Variants in RUVBL1 observed in about 807,000 individuals in gnomAD.
The protein encoded by RUVBL1 is ruvB-like 1.
RUVBL1 carries 4 observed loss-of-function variants against 52.4 expected under a neutral mutation model. The observed-to-expected ratio is 0.08, with a 90% CI of 0.04 to 0.17. RUVBL1 has a LOEUF of 0.17. Ranked by LOEUF, RUVBL1 falls within the 10% of genes least tolerant of loss-of-function variation. The pLI is 1.00. For missense variants in RUVBL1, 298 were observed against 572.8 expected (o/e 0.52, Z 4.90); for synonymous variants, 217 against 214.4 (o/e 1.01, Z -0.10).
At chr3:128,152,921 G>GCCCTCCCCCTCCC (rs1944258727) in intron 1 of RUVBL1, among the ~76,000 whole-genome samples, 1 of 954 alleles carries the variant, frequency 1.0e-3, no homozygotes, top group African/African-American at 4.4e-3. Context: ...CCCGCCCCCC[G>GCCCTCCCCCTCCC]CCGTCCCCCC....
chr3:128,141,978 T>G (rs1944029871), intron 1 of RUVBL1: 1 of 152,238 alleles, frequency 6.6e-6, no homozygotes, highest in South Asian at 2.1e-4. Flanking sequence ...AAGAGAGCAC[T>G]TGCCATATTT....
Position 128,082,293 on chromosome 3 carries a change from C to A in RUVBL1, c.1211+190G>T, listed in dbSNP as rs1021067951. 5.4e-6 allele frequency: 3 copies of A among 560,600 alleles called. No homozygotes were observed. Among genetic ancestry groups the A allele is most frequent in the African/African-American group, 3.8e-5 (2 of 52,764 alleles). 34.7% of individuals were successfully genotyped at this position (560,600 alleles called of 1,614,324 possible). On this transcript the variant is annotated intron_variant, in intron 10 of 10. Coordinates refer to ENST00000322623, the MANE Select transcript of RUVBL1 (RefSeq NM_003707.3). This position sits in a 1 kb window ranked among gnomAD's most constrained non-coding sequence, Gnocchi z 4.7. ...CATGGGGACTTCACCCTTACTCTAG[C>A]TTGTTAAAAACCATCAGATAGATCC...
chr3:128,097,004 T>C (rs967891690), intron 8 of RUVBL1, among the ~76,000 whole-genome samples: 9 of 152,158 alleles, frequency 5.9e-5, no homozygotes, highest in Non-Finnish European at 4.4e-5. Flanking sequence ...TATAATGTCA[T>C]CAAAGGCTAG....
chr3:128,112,295 A>C (rs1485539054), intron 3 of RUVBL1, among the ~76,000 whole-genome samples: 2 of 152,254 alleles, frequency 1.3e-5, no homozygotes, highest in Non-Finnish European at 2.9e-5. Flanking sequence ...CTAGCAAGTT[A>C]TTTAACCTTC....
At chr3:128,069,006 C>G (rs1031427058) in intron 9 of RUVBL1, 1 of 152,620 alleles carries the variant, frequency 6.6e-6, no homozygotes, top group African/African-American at 2.4e-5. Context: ...AGTTCATTCT[C>G]TTAATATTAA....
chr3:128,117,228 C>T (rs563931935), intron 2 of RUVBL1, among the ~76,000 whole-genome samples: 19 of 152,242 alleles, frequency 1.2e-4, no homozygotes, highest in African/African-American at 4.6e-4. Flanking sequence ...AAAGAAATTA[C>T]CCATAATTTA....
intron 3 of RUVBL1, among the ~76,000 whole-genome samples, chr3:128,111,300 C>T (rs1943388607): frequency 6.6e-6 from 1 of 151,798 alleles, no homozygotes; most frequent in African/African-American, 2.4e-5. Flanking sequence ...AAGAACTTTC[C>T]TGAGCACCCA....
rs1942497684 is a variant in RUVBL1, at chr3:128,082,253, G to C, written c.1211+230C>G. The C allele has an allele frequency of 2.0e-6, 1 of 508,054 alleles. No homozygotes were observed. Among genetic ancestry groups the C allele is most frequent in the South Asian group, 2.1e-5 (1 of 46,690 alleles). 31.5% of individuals were successfully genotyped at this position (508,054 alleles called of 1,614,324 possible). ...TCAAAGCACTCTCCACCAGAGGGGA[G>C]CATCTGCTGCAGGACATGGGGACTT... On this transcript the variant is annotated intron_variant, in intron 10 of 10. Transcript: ENST00000322623. The surrounding 1 kb of genome is among the most constrained non-coding windows in gnomAD (Gnocchi z 4.7).
intron 4 of RUVBL1, among the ~76,000 whole-genome samples, chr3:128,103,952 C>T (rs1943166364): frequency 6.6e-6 from 1 of 152,184 alleles, no homozygotes; most frequent in Admixed American, 6.5e-5. Context: ...CAAGTGAAGG[C>T]TCTCACGATA....
At chr3:128,128,431 A>C (rs1015936390), upstream of RUVBL1, among the ~76,000 whole-genome samples, 1 of 152,244 alleles carries the variant, frequency 6.6e-6, no homozygotes, top group Non-Finnish European at 1.5e-5. Flanking sequence ...CTTTACAATC[A>C]GTAAGGGCCT....
Position 128,087,781 on chromosome 3 carries a change from G to A in RUVBL1, c.1044C>T (p.His348=), listed in dbSNP as rs371958946. 11 of 1,613,942 alleles carry A rather than the reference G, an allele frequency of 6.8e-6. No homozygotes were observed. The highest frequency in any genetic ancestry group is 3.3e-5 in the Admixed American group (2 of 60,008). The part of the protein sequence containing the change: ...IRGTEDITSP[H]GIPLDLLDRV... Reference sequence around the variant, plus strand: ...GGTCCAGAAGGTCAAGAGGGATGCCGTGAGGGGATGTGATGTCCTCAGTGC... The same window carrying A: ...GGTCCAGAAGGTCAAGAGGGATGCCATGAGGGGATGTGATGTCCTCAGTGC... Residue 348 remains histidine, a synonymous_variant, in exon 9 of 11, where the codon CAC becomes CAT. Transcript: ENST00000322623.
chr3:128,123,637 C>T lies in RUVBL1; in HGVS notation c.88G>A (p.Gly30Ser). Residue 30 changes from glycine to serine, a missense_variant, in exon 1 of 11, where the codon GGC becomes AGC. Gly to Ser is a moderately conservative substitution (Grantham distance 56, BLOSUM62 0). This residue lies in a region of RUVBL1 where 71 missense variants were observed against 125.7 expected (regional missense o/e 0.57). Coordinates refer to ENST00000322623, the MANE Select transcript of RUVBL1 (RefSeq NM_003707.3). ...CCTGAGGCCGCCTGCTTGGCCAAGC[C>T]GCTCTCGTCCAGCCCCAGCCCTTTC... Reference protein sequence around the residue: ...HVKGLGLDESGLAKQAASGLV... With the variant: ...HVKGLGLDESSLAKQAASGLV... The T allele has an allele frequency of 6.2e-7, 1 of 1,612,288 alleles. No individual in the cohort carries two copies. The highest frequency in any genetic ancestry group is 8.5e-7 in the Non-Finnish European group (1 of 1,179,574).
chr3:128,108,048 G>A (rs1053116947), intron 3 of RUVBL1, among the ~76,000 whole-genome samples: 11 of 152,226 alleles, frequency 7.2e-5, no homozygotes, highest in Non-Finnish European at 1.2e-4. Flanking sequence ...CAGGAAAGGG[G>A]CTGAGCTGGC....
chr3:128,123,088 C>A (rs1943690488), intron 1 of RUVBL1, among the ~76,000 whole-genome samples: 1 of 152,190 alleles, frequency 6.6e-6, no homozygotes, highest in Non-Finnish European at 1.5e-5. Flanking sequence ...CAATTCCCTA[C>A]TTTAAACCGT....
intron 4 of RUVBL1, among the ~76,000 whole-genome samples, chr3:128,102,653 A>T (rs1559817894): frequency 6.6e-6 from 1 of 152,260 alleles, no homozygotes; most frequent in Non-Finnish European, 1.5e-5. Flanking sequence ...AACCGAAAGT[A>T]GATTAGTAGT....
intron 8 of RUVBL1, among the ~76,000 whole-genome samples, chr3:128,090,973 CAAG>C (rs1393599957): frequency 6.6e-6 from 1 of 152,154 alleles, no homozygotes; most frequent in African/African-American, 2.4e-5. Context: ...TCAAACTTCA[CAAG>C]AACAGAATTT....
chr3:128,119,925 A>G (rs949422239), intron 1 of RUVBL1, among the ~76,000 whole-genome samples: 1 of 152,242 alleles, frequency 6.6e-6, no homozygotes. Context: ...AGAACGCAGA[A>G]CAGGAACTTA....
At chr3:128,092,236 C>A (rs1196526706) in intron 8 of RUVBL1, among the ~76,000 whole-genome samples, 4 of 152,104 alleles carry the variant, frequency 2.6e-5, no homozygotes, top group Non-Finnish European at 4.4e-5. Context: ...TATATAAAAG[C>A]CGAAACTATA....
downstream of RUVBL1, among the ~76,000 whole-genome samples, chr3:128,080,265 G>C (rs1942432939): frequency 6.6e-6 from 1 of 152,214 alleles, no homozygotes; most frequent in African/African-American, 2.4e-5. Flanking sequence ...AGTATACAAT[G>C]AACTTCCGTA....
Sources: gnomAD v4.1 joint callset for allele counts (sites outside exome capture counted in the v4.1 genomes callset) on GRCh38, gnomAD v4.1.1 for gene constraint, gnomAD v4.1.1 regional missense constraint, Gnocchi (gnomAD v3.1) non-coding constraint, MANE v1.5 for transcripts, NCBI Gene and HGNC (gene_info 2026-07-23, HGNC 2026-07-21) for gene names.